The following EXTL3 variants were observed in gnomAD, a reference collection of about 807,000 sequenced individuals.
EXTL3 encodes exostosin-like 3.
Under a neutral mutation model 69.3 loss-of-function variants are expected in EXTL3, and 27 were observed. The ratio of observed to expected loss-of-function variants is 0.39; its 90% CI spans 0.29 to 0.54. The LOEUF (loss-of-function observed/expected upper bound fraction) is 0.54. EXTL3 is among the 20% of genes least tolerant of loss of function. The pLI, the probability that EXTL3 is intolerant of heterozygous loss-of-function variation, is 0.69. For synonymous variants in EXTL3, 511 were observed against 499.4 expected (o/e 1.02, Z -0.31); for missense variants, 1,003 against 1,231.8 (o/e 0.81, Z 2.78).
chr8:28,685,915 A>T (rs1157639392), intron 1 of EXTL3: 1 of 151,128 alleles, frequency 6.6e-6, no homozygotes, highest in African/African-American at 2.4e-5. Context: ...CTCAAGCTGG[A>T]GTGCAGTGGC....
intron 1 of EXTL3, among the ~76,000 whole-genome samples, chr8:28,682,416 T>C (rs1043244057): frequency 6.6e-6 from 1 of 152,162 alleles, no homozygotes; most frequent in African/African-American, 2.4e-5. Context: ...CTGTTGATTG[T>C]TTCCTTTGCT....
rs148793419 is a variant in EXTL3, at chr8:28,735,263, C to T, written c.2277-2256C>T. ...CAGCGTGATGCAGTTTGGAGCGTGC[C>T]GAAGGACTGGCGTGGTGAGCATAGT... is the stretch of plus-strand genomic sequence containing the variant. On this transcript the variant is annotated intron_variant, in intron 4 of 6. Coordinates refer to ENST00000220562, the MANE Select transcript of EXTL3 (RefSeq NM_001440.4). Among the ~76,000 whole-genome samples the T allele has an allele frequency of 9.1e-4, 138 of 152,194 alleles. 1 individual carries two copies. In the East Asian group the frequency reaches 0.022, roughly 24 times the overall value.
rs1806470091 is a variant in EXTL3 at position 28,625,017 on chromosome 8, C to T, written c.-53+2207C>T. On this transcript the variant is annotated intron_variant, in intron 1 of 6. Transcript: ENST00000523149. ...TTTACAATCTTCCAATGCCTGTATG[C>T]TTCCAAAAAGGCACAGCTGGCATAC... 2.0e-5 allele frequency among the ~76,000 whole-genome samples: 3 copies of T among 152,334 alleles called. No individual in the cohort carries two copies. In the South Asian group the frequency reaches 6.2e-4, roughly 32 times the overall value.
rs1802045117 is a variant in EXTL3 at position 28,753,158 on chromosome 8, G to A, written c.*2292G>A. The stretch of plus-strand genomic sequence containing the variant: ...GCTTGAAGGACTGCAGACAGGCTCT[G>A]AGGGGCACGCCCTCCTCAGCGAGAG... On this transcript the variant is annotated 3_prime_UTR_variant, in exon 7 of 7. Transcript: ENST00000220562. The A allele has an allele frequency of 1.3e-5, 2 of 152,310 alleles. No individual in the cohort carries two copies. Among genetic ancestry groups the A allele is most frequent in the South Asian group, 4.1e-4 (2 of 4,834 alleles). The allele number at this position is 152,310 out of a possible 1,614,324, so 9.4% of individuals were successfully genotyped here.
chr8:28,691,892 C>G (rs240930), intron 1 of EXTL3, among the ~76,000 whole-genome samples: 3 of 151,552 alleles, frequency 2.0e-5, no homozygotes, highest in Non-Finnish European at 4.4e-5. Flanking sequence ...AGCGAAACTC[C>G]GTCTCAAAAA....
chr8:28,654,938 G>C (rs1806982543), intron 1 of EXTL3, among the ~76,000 whole-genome samples: 1 of 152,200 alleles, frequency 6.6e-6, no homozygotes, highest in African/African-American at 2.4e-5. Flanking sequence ...TTTGGGCTTA[G>C]AGAAATAAAA....
chr8:28,733,460 G>A (rs1236415153), intron 4 of EXTL3, among the ~76,000 whole-genome samples: 2 of 151,922 alleles, frequency 1.3e-5, no homozygotes, highest in African/African-American at 2.4e-5. Flanking sequence ...GTGCAGTGGT[G>A]CAATCTTAGC....
intron 3 of EXTL3, among the ~76,000 whole-genome samples, chr8:28,721,908 A>G (rs1342352637): frequency 6.6e-6 from 1 of 152,146 alleles, no homozygotes; most frequent in East Asian, 1.9e-4. Context: ...AGTGTAGTCT[A>G]GCTCACTCAA....
chr8:28,737,996 A>T (rs1204017162), intron 5 of EXTL3, among the ~76,000 whole-genome samples: 1 of 152,096 alleles, frequency 6.6e-6, no homozygotes, highest in Non-Finnish European at 1.5e-5. Flanking sequence ...GCCACCCTAG[A>T]TATGGCCCAG....
At position 28,750,961 on chromosome 8, in the gene EXTL3, T is replaced by A; in HGVS notation, c.*95T>A. ...GCAGGACCTTGGGCACATCTGCTGGTGGGTGGCCCAGAGCCTCTGCTGGAA... is the reference window on the plus strand; with the variant it reads ...GCAGGACCTTGGGCACATCTGCTGGAGGGTGGCCCAGAGCCTCTGCTGGAA... On this transcript the variant is annotated 3_prime_UTR_variant, in exon 7 of 7. Coordinates refer to ENST00000220562, the MANE Select transcript of EXTL3 (RefSeq NM_001440.4). This position sits in a 1 kb window ranked among gnomAD's most constrained non-coding sequence, Gnocchi z 5.2. 1 of 1,102,578 alleles carries A rather than the reference T, an allele frequency of 9.1e-7. No homozygotes were observed. The highest frequency in any genetic ancestry group is 1.5e-5 in the African/African-American group (1 of 65,172). 68.3% of individuals were successfully genotyped at this position (1,102,578 alleles called of 1,614,324 possible). A position where few individuals can be genotyped will look rare whatever the true frequency, so the allele number is the denominator to read the frequency against.
intron 1 of EXTL3, chr8:28,710,348 C>T (rs1444224176): frequency 5.0e-6 from 2 of 398,578 alleles, no homozygotes; most frequent in African/African-American, 4.2e-5. Context: ...GAGGACAAGC[C>T]TGCAGGAACA....
At chr8:28,658,270 A>G (rs931058820) in intron 1 of EXTL3, among the ~76,000 whole-genome samples, 6 of 151,808 alleles carry the variant, frequency 4.0e-5, no homozygotes, top group South Asian at 2.1e-4. Flanking sequence ...ATATTTTTTC[A>G]TTATTCTCTT....
chr8:28,608,961 A>G (rs1366888629), intron 2 of EXTL3, among the ~76,000 whole-genome samples: 2 of 152,178 alleles, frequency 1.3e-5, no homozygotes, highest in Non-Finnish European at 2.9e-5. Flanking sequence ...GAGAATTAAA[A>G]TAAAATGGCC....
chr8:28,608,632 G>T (rs1197734579), intron 2 of EXTL3, among the ~76,000 whole-genome samples: 3 of 152,030 alleles, frequency 2.0e-5, no homozygotes, highest in Non-Finnish European at 2.9e-5. Flanking sequence ...GGAGGCCGAA[G>T]CGGGGGGATC....
At chr8:28,718,502 TAAC>T (rs1801216880) in intron 3 of EXTL3, among the ~76,000 whole-genome samples, 3 of 152,200 alleles carry the variant, frequency 2.0e-5, no homozygotes, top group Non-Finnish European at 2.9e-5. Flanking sequence ...TTCCATGTCA[TAAC>T]AAGATGATGA....
chr8:28,619,840 T>G (rs1267294026), upstream of EXTL3, among the ~76,000 whole-genome samples: 1 of 129,844 alleles, frequency 7.7e-6, no homozygotes, highest in African/African-American at 2.8e-5. Context: ...ACAGGGCTTC[T>G]GGTTCTTTTT....
At chr8:28,626,003 A>C (rs1355395054) in intron 1 of EXTL3, among the ~76,000 whole-genome samples, 3 of 103,350 alleles carry the variant, frequency 2.9e-5, no homozygotes, top group African/African-American at 8.9e-5. Context: ...TCTCCAAAAA[A>C]AAAAAAAAAA....
Position 28,608,688 on chromosome 8 carries a change from C to CATGTATT in EXTL3, n.314+930_314+931insATGTATT, listed in dbSNP as rs1219404874. On this transcript the variant is annotated intron_variant and non_coding_transcript_variant, in intron 2 of 4. Coordinates refer to the EXTL3 transcript ENST00000522725. ...GACCAGCCTGGACAACATGGTGGAA[C>CATGTATT]CTGGTCTCTACCAAAAATACAAAAA... 2.0e-4 allele frequency among the ~76,000 whole-genome samples: 31 copies of CATGTATT among 151,980 alleles called. 1 individual carries two copies. Among genetic ancestry groups the CATGTATT allele is most frequent in the East Asian group, 9.7e-4 (5 of 5,176 alleles).
rs1801141605 is a variant in EXTL3 at position 28,716,205 on chromosome 8, A to G, written c.146A>G (p.Tyr49Cys). Residue 49 changes from tyrosine to cysteine, a missense_variant, in exon 3 of 7, where the codon TAT (tyrosine) becomes TGT (cysteine). Physicochemically the swap from Tyr to Cys is radical, Grantham distance 194. Transcript: ENST00000220562. The surrounding 1 kb of genome is among the most constrained non-coding windows in gnomAD (Gnocchi z 7.1). The part of the protein sequence containing the change: ...ILVFFPLIAH[Y>C]YLTTLDEADE... ...GTCTTCTTCCCGCTCATCGCCCACT[A>G]TTACCTCACCACTCTGGATGAGGCT... 1 of 1,614,126 alleles carries G rather than the reference A, an allele frequency of 6.2e-7. No individual in the cohort carries two copies. Among genetic ancestry groups the G allele is most frequent in the Non-Finnish European group, 8.5e-7 (1 of 1,180,012 alleles).
Sources: allele counts gnomAD v4.1 joint callset (sites outside exome capture counted in the v4.1 genomes callset), GRCh38; gene constraint gnomAD v4.1.1; non-coding constraint Gnocchi (gnomAD v3.1); transcripts MANE v1.5; gene names NCBI Gene and HGNC (gene_info 2026-07-23, HGNC 2026-07-21).